Variants in ACKR3 observed in about 807,000 individuals in gnomAD.
ACKR3 encodes C-X-C chemokine receptor type 7.
ACKR3 carries 6 observed loss-of-function variants against 22.4 expected under a neutral mutation model. The observed-to-expected ratio is 0.27, with a 90% CI of 0.15 to 0.53. ACKR3 has a LOEUF of 0.53. Ranked by LOEUF, ACKR3 falls within the 20% of genes least tolerant of loss-of-function variation. The pLI is 0.96. For synonymous variants in ACKR3, 209 were observed against 205.2 expected, an observed-to-expected ratio of 1.02 and a Z score of -0.16; for missense variants, 396 against 475.2, an observed-to-expected ratio of 0.83 and a Z score of 1.55.
chr2:236,541,976 A>G, the ACKR3 span, among the ~76,000 whole-genome samples: 1 of 152,014 alleles, frequency 6.6e-6, no homozygotes, highest in Non-Finnish European at 1.5e-5. Context: ...TATAAATTAC[A>G]CAGTCTTGAG....
In ACKR3 at chr2:236,580,583, A is replaced by G; in HGVS notation, c.118A>G (p.Lys40Glu). 6.2e-7 allele frequency: 1 copy of G among 1,613,706 alleles called. No homozygotes were observed. The highest frequency in any genetic ancestry group is 8.5e-7 in the Non-Finnish European group (1 of 1,179,798). Residue 40 changes from lysine (K) to glutamate (E), a missense_variant, in exon 2 of 2, where the codon AAA (lysine) becomes GAA (glutamate). Transcript: ENST00000272928. ...DTVMCPNMPNKSVLLYTLSFI... is the reference protein window; with the variant it reads ...DTVMCPNMPNESVLLYTLSFI... ...GGTGATGTGTCCCAACATGCCCAAC[A>G]AAAGCGTCCTGCTCTACACGCTCTC... is the stretch of plus-strand genomic sequence containing the variant.
the ACKR3 span, among the ~76,000 whole-genome samples, chr2:236,541,630 C>T: frequency 0.045 from 6,867 of 152,254 alleles, 478 homozygotes; most frequent in African/African-American, 0.15. Flanking sequence ...GCAGGGACCA[C>T]GTACACTTAA....
Position 236,581,227 on chromosome 2 carries a change from C to G in ACKR3, c.762C>G (p.Ile254Met). The G allele has an allele frequency of 6.2e-7, 1 of 1,614,010 alleles. No individual in the cohort carries two copies. The highest frequency in any genetic ancestry group is 1.3e-5 in the African/African-American group (1 of 75,058). The part of the protein sequence containing the change: ...DQEKHSSRKI[I>M]FSYVVVFLVC... ...AGAAGCACAGCAGCCGGAAGATCAT[C>G]TTCTCCTACGTGGTGGTCTTCCTTG... Residue 254 changes from isoleucine to methionine, a missense_variant, in exon 2 of 2, where the codon ATC becomes ATG. Coordinates refer to ENST00000272928, the MANE Select transcript of ACKR3 (RefSeq NM_020311.3). The surrounding 1 kb of genome is among the most constrained non-coding windows in gnomAD (Gnocchi z 4.4).
chr2:236,541,503 C>A, the ACKR3 span, among the ~76,000 whole-genome samples: 2 of 152,182 alleles, frequency 1.3e-5, no homozygotes, highest in African/African-American at 4.8e-5. Flanking sequence ...TAAAGAAAAT[C>A]TCCCAAGGGT....
upstream of ACKR3, among the ~76,000 whole-genome samples, chr2:236,562,839 G>C (rs1559468608): frequency 6.6e-6 from 1 of 152,114 alleles, no homozygotes; most frequent in Non-Finnish European, 1.5e-5. Context: ...ACGTGCAATG[G>C]GGACCATGTG....
At chr2:236,579,199 CCTT>C (rs1347176450) in intron 1 of ACKR3, among the ~76,000 whole-genome samples, 1 of 152,202 alleles carries the variant, frequency 6.6e-6, no homozygotes, top group African/African-American at 2.4e-5. Context: ...TGACCCTTGT[CCTT>C]GATCCTCCAG....
At chr2:236,537,414 T>G in the ACKR3 span, among the ~76,000 whole-genome samples, 3 of 152,186 alleles carry the variant, frequency 2.0e-5, no homozygotes, top group Admixed American at 6.5e-5. Context: ...CTTGGGGCAG[T>G]GTCTCAGCCT....
At chr2:236,559,899 T>C in the ACKR3 span, among the ~76,000 whole-genome samples, 47,441 of 152,170 alleles carry the variant, frequency 0.31, 11,019 homozygotes, top group African/African-American at 0.66. Flanking sequence ...GTTTGTCCTA[T>C]TGAAAATACC....
At chr2:236,579,279 C>T (rs1413165512) in intron 1 of ACKR3, among the ~76,000 whole-genome samples, 2 of 152,152 alleles carry the variant, frequency 1.3e-5, no homozygotes, top group East Asian at 1.9e-4. Context: ...TGACTCTAGG[C>T]CAGTCATTAC....
the ACKR3 span, among the ~76,000 whole-genome samples, chr2:236,543,972 TATATATATATATATATATATAC>T: frequency 1.9e-4 from 12 of 62,084 alleles, no homozygotes; most frequent in African/African-American, 2.4e-3. Context: ...TATATATATA[TATATATATATATATATATATAC>T]ACTTTTTTTT....
chr2:236,566,679 C>T (rs1691185403), upstream of ACKR3, among the ~76,000 whole-genome samples: 1 of 146,868 alleles, frequency 6.8e-6, no homozygotes, highest in Non-Finnish European at 1.5e-5. Context: ...TGGACGCGAA[C>T]TGCTTGCTCG....
At chr2:236,572,359 CG>C (rs1466366667) in intron 1 of ACKR3, among the ~76,000 whole-genome samples, 2 of 152,148 alleles carry the variant, frequency 1.3e-5, no homozygotes, top group Non-Finnish European at 2.9e-5. Flanking sequence ...GGATGGGGGC[CG>C]AGACTATCTC....
the ACKR3 span, among the ~76,000 whole-genome samples, chr2:236,546,707 G>C: frequency 3.3e-5 from 5 of 152,212 alleles, no homozygotes; most frequent in Admixed American, 2.0e-4. This position sits in a 1 kb window ranked among gnomAD's most constrained non-coding sequence, Gnocchi z 4.9. Flanking sequence ...GTGCCATCCA[G>C]ACCCTGCCTG....
At chr2:236,573,353 A>G (rs990113812) in intron 1 of ACKR3, among the ~76,000 whole-genome samples, 4 of 152,330 alleles carry the variant, frequency 2.6e-5, no homozygotes, top group Non-Finnish European at 4.4e-5. Flanking sequence ...CTTTTGTAGC[A>G]TGATTCCCGC....
the ACKR3 span, among the ~76,000 whole-genome samples, chr2:236,547,236 T>G: frequency 6.6e-6 from 1 of 152,212 alleles, no homozygotes; most frequent in Non-Finnish European, 1.5e-5. Context: ...AGCTAATGAC[T>G]GTTTACAAAT....
chr2:236,567,333 C>T (rs537362992), upstream of ACKR3, among the ~76,000 whole-genome samples: 17 of 152,244 alleles, frequency 1.1e-4, no homozygotes, highest in South Asian at 1.9e-3. Flanking sequence ...TCCCATGCCG[C>T]GTGAAACTTG....
upstream of ACKR3, among the ~76,000 whole-genome samples, chr2:236,565,782 T>A (rs1231314261): frequency 1.3e-5 from 2 of 152,206 alleles, no homozygotes; most frequent in Non-Finnish European, 2.9e-5. Flanking sequence ...CCAGGTTGTC[T>A]GGACAGAGGA....
the ACKR3 span, among the ~76,000 whole-genome samples, chr2:236,548,482 C>G: frequency 5.3e-5 from 8 of 152,204 alleles, no homozygotes; most frequent in African/African-American, 1.9e-4. This position sits in a 1 kb window ranked among gnomAD's most constrained non-coding sequence, Gnocchi z 4.3. Context: ...CCCACCAGAA[C>G]CTAGGTTAAG....
the ACKR3 span, among the ~76,000 whole-genome samples, chr2:236,558,506 G>A: frequency 6.6e-6 from 1 of 152,156 alleles, no homozygotes; most frequent in Non-Finnish European, 1.5e-5. Flanking sequence ...TCCTACCTCT[G>A]CTGGCAAAAC....
Sources: allele counts gnomAD v4.1 joint callset (sites outside exome capture counted in the v4.1 genomes callset), GRCh38; gene constraint gnomAD v4.1.1; non-coding constraint Gnocchi (gnomAD v3.1); transcripts MANE v1.5; gene names NCBI Gene and HGNC (gene_info 2026-07-23, HGNC 2026-07-21).